CMYA5: variants seen among roughly 807,000 people sequenced by gnomAD.
The protein encoded by CMYA5 is cardiomyopathy-associated protein 5.
Under a neutral mutation model 318.9 loss-of-function variants are expected in CMYA5, and 246 were observed. The observed-to-expected ratio is 0.77, with a 90% confidence interval of 0.70 to 0.86. CMYA5 has a LOEUF of 0.86. Ranked by LOEUF, CMYA5 falls within the 40% of genes least tolerant of loss-of-function variation. The pLI, the probability that CMYA5 is intolerant of heterozygous loss-of-function variation, is 0.00. For missense variants in CMYA5, 4,589 were observed against 4,678.2 expected (o/e 0.98, Z 0.56); for synonymous variants, 1,641 against 1,729.5 (o/e 0.95, Z 1.27).
At chr5:79,791,116 G>A in intron 11 of CMYA5, 47 bp downstream of exon 11, 1 of 1,360,904 alleles carries the variant, frequency 7.3e-7, no homozygotes, top group Admixed American at 1.8e-5. Context: ...CCAGCAGTAG[G>A]GTCTTAGGGT....
At position 79,777,690 on chromosome 5, in the gene CMYA5, G is replaced by A. The variant is rs898165101; in HGVS notation, c.11556-11281G>A. Among the ~76,000 whole-genome samples, 10 of 152,040 alleles carry A rather than the reference G, an allele frequency of 6.6e-5. 1 individual carries two copies. Among genetic ancestry groups the A allele is most frequent in the African/African-American group, 1.4e-4 (6 of 41,394 alleles). ...CTTGGGAGGCTGAGGCAGGAGAATT[G>A]TTTGAACTCAGGAGGCGGAGGTTTC... On this transcript the variant is annotated intron_variant, in intron 9 of 12. Coordinates refer to ENST00000446378, the MANE Select transcript of CMYA5 (RefSeq NM_153610.5).
intron 1 of CMYA5, among the ~76,000 whole-genome samples, chr5:79,695,788 C>T (rs1173660687): frequency 2.6e-5 from 4 of 152,186 alleles, no homozygotes; most frequent in African/African-American, 9.7e-5. Context: ...TATCCAAAGA[C>T]ATTCTTCCTA....
Position 79,736,730 on chromosome 5 carries a change from A to G in CMYA5, c.7965A>G (p.Gly2655=). Residue 2655 remains glycine (G), a synonymous_variant, in exon 2 of 13, where the codon GGA becomes GGG. Coordinates refer to ENST00000446378, the MANE Select transcript of CMYA5 (RefSeq NM_153610.5). ...EIENHSLSQE[G]NLVLEKSSRD... Reference sequence around the variant, plus strand: ...AGAACCACTCTTTATCTCAGGAAGGAAATCTAGTATTAGAAAAGTCAAGCA... The same window carrying G: ...AGAACCACTCTTTATCTCAGGAAGGGAATCTAGTATTAGAAAAGTCAAGCA... 1.9e-6 allele frequency: 3 copies of G among 1,613,294 alleles called. No individual in the cohort carries two copies. In the South Asian group the frequency reaches 3.3e-5, roughly 18 times the overall value.
At chr5:79,725,356 T>A (rs1369216076) in intron 1 of CMYA5, among the ~76,000 whole-genome samples, 1 of 152,198 alleles carries the variant, frequency 6.6e-6, no homozygotes, top group Non-Finnish European at 1.5e-5. Flanking sequence ...AGCAAATGAA[T>A]GCAGAAACAG....
intron 9 of CMYA5, among the ~76,000 whole-genome samples, chr5:79,765,771 C>G (rs1828739181): frequency 6.6e-6 from 1 of 152,170 alleles, no homozygotes; most frequent in Non-Finnish European, 1.5e-5. Context: ...GGCATTCACT[C>G]ATGATTTGGC....
chr5:79,689,838 T>C lies in CMYA5; in HGVS notation c.-70T>C. 4.9e-6 allele frequency: 3 copies of C among 610,472 alleles called. No individual in the cohort carries two copies. The highest frequency in any genetic ancestry group is 8.8e-6 in the Non-Finnish European group (3 of 342,224). The allele number at this position is 610,472 out of a possible 1,614,324, so 37.8% of individuals were successfully genotyped here. On this transcript the variant is annotated 5_prime_UTR_variant, in exon 1 of 13. Coordinates refer to ENST00000446378, the MANE Select transcript of CMYA5 (RefSeq NM_153610.5). ...CTGGGGAGGGCAGGGGCCAGAGCAGTCGGAGGGAGAACACCAGGCGCGGCG... is the reference window on the plus strand; with the variant it reads ...CTGGGGAGGGCAGGGGCCAGAGCAGCCGGAGGGAGAACACCAGGCGCGGCG...
rs1252327141 is a variant in CMYA5, at chr5:79,799,394, T to C, written c.11988T>C (p.Ile3996=). The C allele has an allele frequency of 2.5e-6, 4 of 1,611,920 alleles. No individual in the cohort carries two copies. Among genetic ancestry groups the C allele is most frequent in the Non-Finnish European group, 3.4e-6 (4 of 1,178,110 alleles). Residue 3996 remains isoleucine, a synonymous_variant, in exon 13 of 13, where the codon ATT becomes ATC. Coordinates refer to ENST00000446378, the MANE Select transcript of CMYA5 (RefSeq NM_153610.5). The part of the protein sequence containing the change: ...PQRYTFFYSG[I]VSDVHVTERP... Reference sequence around the variant, plus strand: ...GATACACATTTTTCTACAGTGGTATTGTGAGTGATGTTCATGTGACTGAGC... The same window carrying C: ...GATACACATTTTTCTACAGTGGTATCGTGAGTGATGTTCATGTGACTGAGC...
chr5:79,789,349 G>T lies in CMYA5; in HGVS notation c.11689+245G>T, dbSNP rs573878645. Among the ~76,000 whole-genome samples, 8 of 152,212 alleles carry T rather than the reference G, an allele frequency of 5.3e-5. No homozygotes were observed. The South Asian group carries it at 1.2e-3, about 24-fold the overall frequency. ...GGTGCTTAAAAAATACTGTTTCCCT[G>T]CCTCCACTCCTGAAGATCCTGATTT... On this transcript the variant is annotated intron_variant, in intron 10 of 12. Transcript: ENST00000446378.
chr5:79,711,258 A>G (rs78806176), intron 1 of CMYA5, among the ~76,000 whole-genome samples: 3,005 of 152,216 alleles, frequency 0.02, 98 homozygotes, highest in African/African-American at 0.067. Context: ...TCCATCAGGT[A>G]GGTCGTCTGG....
At chr5:79,718,459 A>G (rs1051400476) in intron 1 of CMYA5, among the ~76,000 whole-genome samples, 2 of 152,160 alleles carry the variant, frequency 1.3e-5, no homozygotes, top group Non-Finnish European at 2.9e-5. Context: ...TTTAATAACA[A>G]TTGATATTTA....
chr5:79,696,510 A>C (rs1827068959), intron 1 of CMYA5, among the ~76,000 whole-genome samples: 2 of 152,182 alleles, frequency 1.3e-5, no homozygotes, highest in Admixed American at 1.3e-4. Context: ...TTCTTCCTGT[A>C]AGTATGCCTC....
At chr5:79,741,922 A>G (rs1175892017) in intron 2 of CMYA5, among the ~76,000 whole-genome samples, 1 of 152,130 alleles carries the variant, frequency 6.6e-6, no homozygotes, top group African/African-American at 2.4e-5. Flanking sequence ...AACCCAGTTG[A>G]CTAAAGCCAA....
intron 1 of CMYA5, among the ~76,000 whole-genome samples, chr5:79,720,137 G>A (rs1243293712): frequency 6.6e-6 from 1 of 152,118 alleles, no homozygotes; most frequent in East Asian, 1.9e-4. Context: ...AACAGAGTAT[G>A]GCTGAGGATT....
Position 79,739,144 on chromosome 5 carries a change from A to T in CMYA5, c.10379A>T (p.His3460Leu), listed in dbSNP as rs373255431. The T allele has an allele frequency of 1.9e-6, 3 of 1,613,776 alleles. No individual in the cohort carries two copies. Among genetic ancestry groups the T allele is most frequent in the Non-Finnish European group, 2.5e-6 (3 of 1,179,790 alleles). Residue 3460 changes from histidine (H) to leucine (L), a missense_variant, in exon 2 of 13, where the codon CAC becomes CTC. This residue lies in a region of CMYA5 where 2,431 missense variants were observed against 2,495.1 expected (regional missense o/e 0.97). Transcript: ENST00000446378. Reference sequence around the variant, plus strand: ...TCTCAAGGAAAGGAATCCTTTGAGCACATCAGTGAAAATGAATTTGCGAGT... The same window carrying T: ...TCTCAAGGAAAGGAATCCTTTGAGCTCATCAGTGAAAATGAATTTGCGAGT... The part of the protein sequence containing the change: ...VLSQGKESFE[H>L]ISENEFASEA...
At chr5:79,721,073 T>C (rs538797494) in intron 1 of CMYA5, among the ~76,000 whole-genome samples, 2 of 152,326 alleles carry the variant, frequency 1.3e-5, no homozygotes, top group South Asian at 4.1e-4. Flanking sequence ...GGTAAAAATA[T>C]CAATTTATAT....
At position 79,799,978 on chromosome 5, in the gene CMYA5, G is replaced by A. The variant is rs578162857; in HGVS notation, c.*362G>A. On this transcript the variant is annotated 3_prime_UTR_variant, in exon 13 of 13. Transcript: ENST00000446378. The stretch of plus-strand genomic sequence containing the variant: ...ACAGGTCAGAGTGAAGGAAGGTTGT[G>A]CTGGTAAGACATCTCTGACGAAGAG... The A allele has an allele frequency of 3.1e-3, 515 of 168,056 alleles. No homozygotes were observed. The highest frequency in any genetic ancestry group is 5.2e-3 in the Non-Finnish European group (401 of 77,566). The allele number at this position is 168,056 out of a possible 1,614,324, so 10.4% of individuals were successfully genotyped here.
chr5:79,704,526 T>C (rs75611826), intron 1 of CMYA5, among the ~76,000 whole-genome samples: 3,226 of 152,278 alleles, frequency 0.021, 113 homozygotes, highest in African/African-American at 0.072. Flanking sequence ...CCTTTATTTT[T>C]GTTCTCTTGG....
chr5:79,744,380 C>T (rs558481669), intron 3 of CMYA5, among the ~76,000 whole-genome samples: 3 of 152,252 alleles, frequency 2.0e-5, no homozygotes, highest in East Asian at 3.9e-4. Flanking sequence ...TCTCATAGCA[C>T]GACTATCTCT....
rs141894764 is a variant in CMYA5 at position 79,738,873 on chromosome 5, A to G, written c.10108A>G (p.Asn3370Asp). ...NEVGNASPEV[N>D]LNVPVQVSFP... ...AGTCGGAAATGCAAGTCCAGAGGTC[A>G]ATCTGAATGTCCCAGTACAAGTGTC... The change falls in exon 2 of 13, where the codon AAT becomes GAT. Residue 3370 changes from asparagine (N) to aspartate (D), a missense_variant. Physicochemically the swap from Asn to Asp is conservative, Grantham distance 23. Coordinates refer to ENST00000446378, the MANE Select transcript of CMYA5 (RefSeq NM_153610.5). The G allele has an allele frequency of 7.3e-4, 1,171 of 1,613,940 alleles. 7 individuals carry two copies. The African/African-American group carries it at 0.013, about 18-fold the overall frequency.
Sources: gnomAD v4.1 joint callset for allele counts (sites outside exome capture counted in the v4.1 genomes callset) on GRCh38, gnomAD v4.1.1 for gene constraint, gnomAD v4.1.1 regional missense constraint, MANE v1.5 for transcripts, NCBI Gene and HGNC (gene_info 2026-07-23, HGNC 2026-07-21) for gene names.